SGCD: variants seen among roughly 807,000 people sequenced by gnomAD.
SGCD encodes the protein sarcoglycan delta, also known as delta-sarcoglycan.
Under a neutral mutation model 36.6 loss-of-function variants are expected in SGCD, and 18 were observed. The ratio of observed to expected loss-of-function variants is 0.49; its 90% CI spans 0.34 to 0.73. The LOEUF (loss-of-function observed/expected upper bound fraction) is 0.73, where lower values mean the gene tolerates loss of function less well. Among genes scored for constraint, SGCD ranks in the 30% least tolerant of loss-of-function variants. The probability of loss-of-function intolerance (pLI) is 0.01; values close to 1 mark genes in which losing one functional copy is unlikely to be tolerated. For synonymous variants in SGCD, 133 were observed against 130.6 expected, an observed-to-expected ratio of 1.02 and a Z score of -0.12; for missense variants, 387 against 346.7, an observed-to-expected ratio of 1.12 and a Z score of -0.92.
intron 7 of SGCD, among the ~76,000 whole-genome samples, chr5:156,744,505 A>C (rs1168457897): frequency 6.6e-6 from 1 of 152,198 alleles, no homozygotes; most frequent in Non-Finnish European, 1.5e-5. Flanking sequence ...CGTGGGTTCC[A>C]GTTCATCATC....
At chr5:156,210,893 A>G (rs1275512458) in intron 3 of SGCD, among the ~76,000 whole-genome samples, 2 of 152,180 alleles carry the variant, frequency 1.3e-5, no homozygotes, top group Non-Finnish European at 2.9e-5. Context: ...TGGAAAGCTT[A>G]TTTAAAGAAA....
chr5:156,744,873 T>C (rs1458035311), intron 7 of SGCD, among the ~76,000 whole-genome samples: 4 of 152,228 alleles, frequency 2.6e-5, no homozygotes, highest in African/African-American at 9.6e-5. Flanking sequence ...TTTTGAAAAA[T>C]TGGAAACCTG....
chr5:156,269,561 G>A (rs1766114769), intron 3 of SGCD, among the ~76,000 whole-genome samples: 1 of 144,952 alleles, frequency 6.9e-6, no homozygotes. Flanking sequence ...GCATGGGAAA[G>A]GCTGGCCCCT....
At chr5:156,638,464 G>A (rs1232607064) in intron 6 of SGCD, among the ~76,000 whole-genome samples, 1 of 152,104 alleles carries the variant, frequency 6.6e-6, no homozygotes, top group East Asian at 1.9e-4. Context: ...GAACCAGGGG[G>A]TCACCCTTGA....
At chr5:155,831,725 C>G in the SGCD span, among the ~76,000 whole-genome samples, 1 of 152,176 alleles carries the variant, frequency 6.6e-6, no homozygotes, top group African/African-American at 2.4e-5. Context: ...GTACTGCAAT[C>G]GGGTCTGATC....
At position 156,766,019 on chromosome 5, in the gene SGCD, T is replaced by C. The variant is rs974842891; in HGVS notation, c.*6629T>C. The stretch of plus-strand genomic sequence containing the variant: ...CAAAAATATTAATTTTTTCTGTGTA[T>C]GCTTAGGTCAAGCTTAAAAAAAAAA... On this transcript the variant is annotated 3_prime_UTR_variant, in exon 9 of 9. Transcript: ENST00000337851. The C allele has an allele frequency of 5.4e-5, 8 of 149,256 alleles. No individual in the cohort carries two copies. Among genetic ancestry groups the C allele is most frequent in the African/African-American group, 1.8e-4 (7 of 39,806 alleles). 9.2% of individuals were successfully genotyped at this position (149,256 alleles called of 1,614,324 possible).
intron 1 of SGCD, among the ~76,000 whole-genome samples, chr5:155,971,029 C>G (rs1218991074): frequency 6.6e-6 from 1 of 152,050 alleles, no homozygotes; most frequent in Non-Finnish European, 1.5e-5. Flanking sequence ...TAGGTAAGAG[C>G]AAGCAAGGAG....
chr5:155,782,271 C>T, the SGCD span, among the ~76,000 whole-genome samples: 4 of 151,956 alleles, frequency 2.6e-5, no homozygotes, highest in South Asian at 4.2e-4. Context: ...GTGATCTGCC[C>T]GCCTTGACTT....
At chr5:156,534,567 G>A (rs1044414731) in intron 4 of SGCD, among the ~76,000 whole-genome samples, 5 of 152,120 alleles carry the variant, frequency 3.3e-5, no homozygotes, top group African/African-American at 7.2e-5. Flanking sequence ...AATGCTTTCC[G>A]TGGATATCTT....
At chr5:155,734,002 T>C in the SGCD span, among the ~76,000 whole-genome samples, 1 of 151,306 alleles carries the variant, frequency 6.6e-6, no homozygotes, top group African/African-American at 2.4e-5. Context: ...GGAGCTGATG[T>C]TGGGAAGGTT....
intron 7 of SGCD, among the ~76,000 whole-genome samples, chr5:156,757,261 T>TCCA (rs1757370547): frequency 1.8e-3 from 4 of 2,260 alleles, no homozygotes; most frequent in African/African-American, 3.2e-3. Context: ...GACTTACTTT[T>TCCA]ACAAAAAAAA....
the SGCD span, among the ~76,000 whole-genome samples, chr5:155,743,101 A>C: frequency 6.6e-6 from 1 of 152,116 alleles, no homozygotes; most frequent in Non-Finnish European, 1.5e-5. Flanking sequence ...TTGGAATTTT[A>C]TGGAAGCTTT....
intron 3 of SGCD, among the ~76,000 whole-genome samples, chr5:156,408,910 T>C (rs1042376135): frequency 5.9e-5 from 9 of 152,170 alleles, no homozygotes; most frequent in Non-Finnish European, 1.0e-4. Flanking sequence ...CACACCTATA[T>C]AAAGGGGGGT....
intron 1 of SGCD, among the ~76,000 whole-genome samples, chr5:156,023,838 AT>A (rs5872452): frequency 0.15 from 23,244 of 152,126 alleles, 2,256 homozygotes; most frequent in Admixed American, 0.32. Context: ...AATGCCTCTT[AT>A]TTGGTCTCAA....
At chr5:155,921,496 G>A (rs1478840951) in intron 1 of SGCD, among the ~76,000 whole-genome samples, 2 of 151,948 alleles carry the variant, frequency 1.3e-5, no homozygotes, top group African/African-American at 4.8e-5. Context: ...GCTGATGGGG[G>A]GTAGCAGTAG....
At chr5:156,597,414 A>G (rs1014569014) in intron 6 of SGCD, among the ~76,000 whole-genome samples, 1 of 151,426 alleles carries the variant, frequency 6.6e-6, no homozygotes, top group Non-Finnish European at 1.5e-5. Context: ...CAAAGGAAGA[A>G]CAAAGACACA....
At chr5:156,422,890 T>C (rs1773384172) in intron 3 of SGCD, among the ~76,000 whole-genome samples, 2 of 151,788 alleles carry the variant, frequency 1.3e-5, no homozygotes, top group Non-Finnish European at 2.9e-5. Context: ...AATATTTCCT[T>C]CTGTAGGTTG....
chr5:156,039,433 G>A (rs1226472056), intron 1 of SGCD, among the ~76,000 whole-genome samples: 3 of 146,754 alleles, frequency 2.0e-5, no homozygotes, highest in Non-Finnish European at 2.9e-5. Flanking sequence ...AAAGGAGCAA[G>A]CTCCTTGGGA....
At chr5:155,819,744 A>T in the SGCD span, among the ~76,000 whole-genome samples, 1 of 152,180 alleles carries the variant, frequency 6.6e-6, no homozygotes, top group Admixed American at 6.5e-5. Flanking sequence ...GGAGAGAAAC[A>T]TCTGTAGAGC....
Sources: allele counts gnomAD v4.1 joint callset (sites outside exome capture counted in the v4.1 genomes callset), GRCh38; gene constraint gnomAD v4.1.1; transcripts MANE v1.5; gene names NCBI Gene and HGNC (gene_info 2026-07-23, HGNC 2026-07-21).